The following PPIP5K2 variants were observed in gnomAD, a reference collection of about 807,000 sequenced individuals.
The protein encoded by PPIP5K2 is diphosphoinositol pentakisphosphate kinase 2.
In PPIP5K2, 105 loss-of-function variants were observed where a neutral mutation model predicts 154.6. That is an observed-to-expected ratio of 0.68 (90% CI 0.58 to 0.80). The LOEUF (loss-of-function observed/expected upper bound fraction) is 0.80. Among genes scored for constraint, PPIP5K2 ranks in the 30% least tolerant of loss-of-function variants. PPIP5K2 has a pLI of 0.00. For synonymous variants in PPIP5K2, 480 were observed against 490.3 expected (o/e 0.98, Z 0.28); for missense variants, 992 against 1,504.6 (o/e 0.66, Z 5.64).
Position 103,211,770 on chromosome 5 carries a change from TCC to T in PPIP5K2, c.*10137_*10138del. ...TGATACAAATATGAAAAGTCCTGTT[TCC>T]AGGGAATTTACTTTCTAATGAGGAA... On this transcript the variant is annotated 3_prime_UTR_variant, in exon 31 of 31. Coordinates refer to ENST00000358359, the MANE Select transcript of PPIP5K2 (RefSeq NM_001276277.3). The T allele has an allele frequency of 6.6e-6, 1 of 151,784 alleles. No homozygotes were observed. The highest frequency in any genetic ancestry group is 1.5e-5 in the Non-Finnish European group (1 of 67,980). The allele number at this position is 151,784 out of a possible 1,614,324, so 9.4% of individuals were successfully genotyped here.
chr5:103,133,766 A>T (rs1215113670), intron 3 of PPIP5K2, 118 bp downstream of exon 3: 19 of 741,330 alleles, frequency 2.6e-5, no homozygotes, highest in South Asian at 1.1e-4. Context: ...TTTCATGGAC[A>T]GGTAATATTA....
At chr5:103,163,477 C>G (rs537344376) in intron 17 of PPIP5K2, among the ~76,000 whole-genome samples, 36 of 152,012 alleles carry the variant, frequency 2.4e-4, no homozygotes, top group Admixed American at 7.9e-4. Flanking sequence ...AATAATTTAT[C>G]TAGATTTGTT....
At chr5:103,138,774 G>A (rs1381557077) in intron 5 of PPIP5K2, among the ~76,000 whole-genome samples, 1 of 152,166 alleles carries the variant, frequency 6.6e-6, no homozygotes, top group African/African-American at 2.4e-5. Context: ...GTGAACAAGT[G>A]ATTTATCTAT....
chr5:103,135,013 A>G (rs1791239168), intron 3 of PPIP5K2, among the ~76,000 whole-genome samples: 2 of 152,152 alleles, frequency 1.3e-5, no homozygotes, highest in African/African-American at 4.8e-5. Flanking sequence ...TTTTCTCTTA[A>G]CTATTCTGGT....
At chr5:103,167,419 T>A (rs1797300064) in intron 18 of PPIP5K2, 99 bp downstream of exon 18, 2 of 1,052,168 alleles carry the variant, frequency 1.9e-6, no homozygotes, top group South Asian at 4.4e-5. Flanking sequence ...AAATCAAGCC[T>A]CTCTTGAGAG....
chr5:103,154,638 A>G (rs1795120710), intron 11 of PPIP5K2, 32 bp from the exon 12 acceptor site: 1 of 1,276,912 alleles, frequency 7.8e-7, no homozygotes, highest in Non-Finnish European at 1.1e-6. Flanking sequence ...AATTATTGCA[A>G]GTGACTAACA....
At chr5:103,162,761 T>TA (rs1390840134) in intron 17 of PPIP5K2, among the ~76,000 whole-genome samples, 9 of 152,148 alleles carry the variant, frequency 5.9e-5, no homozygotes, top group Admixed American at 1.3e-4. Flanking sequence ...TTGTTTAAGA[T>TA]ATCTTTTTCG....
At chr5:103,134,616 C>A (rs1791159156) in intron 3 of PPIP5K2, among the ~76,000 whole-genome samples, 1 of 152,136 alleles carries the variant, frequency 6.6e-6, no homozygotes, top group Non-Finnish European at 1.5e-5. Flanking sequence ...GAGAGTAAAG[C>A]ATTCTTCCCT....
chr5:103,177,591 C>G (rs1798909812), intron 21 of PPIP5K2, 76 bp from the exon 22 acceptor site: 1 of 942,630 alleles, frequency 1.1e-6, no homozygotes. Flanking sequence ...ATTAAACAAG[C>G]TACCATAGTG....
chr5:103,195,798 C>A (rs1554228332), intron 30 of PPIP5K2, among the ~76,000 whole-genome samples: 1 of 152,162 alleles, frequency 6.6e-6, no homozygotes, highest in Non-Finnish European at 1.5e-5. Flanking sequence ...AAGGCTTTGA[C>A]AACAGCCTCA....
Position 103,190,891 on chromosome 5 carries a change from T to C in PPIP5K2, c.3402T>C (p.Leu1134=). 6.2e-7 allele frequency: 1 copy of C among 1,610,426 alleles called. No homozygotes were observed. Among genetic ancestry groups the C allele is most frequent in the Non-Finnish European group, 8.5e-7 (1 of 1,177,964 alleles). Residue 1134 remains leucine (L), a synonymous_variant, in exon 29 of 31, where the codon CTT becomes CTC. Coordinates refer to ENST00000358359, the MANE Select transcript of PPIP5K2 (RefSeq NM_001276277.3). The part of the protein sequence containing the change: ...MVPSICPLET[L]HNALSLKQVD... The stretch of plus-strand genomic sequence containing the variant: ...CATCTATTTGTCCTCTAGAAACTCT[T>C]CATAATGCCCTATCTTTAAAGCAAG...
chr5:103,153,898 CAAAACAAA>C lies in PPIP5K2; in HGVS notation c.1185_1192del (p.Lys395AsnfsTer12). 1 of 1,603,264 alleles carries C rather than the reference CAAAACAAA, an allele frequency of 6.2e-7. No homozygotes were observed. ...GTTATACGTCATGGGGATCGAACAC[CAAAACAAA>C]AAATGAAAATGGAAGTGAGACATCA... On this transcript the variant is annotated frameshift_variant, in exon 11 of 31. Transcript: ENST00000358359. LOFTEE classifies it high-confidence loss of function.
rs1225193313 is a variant in PPIP5K2 at position 103,201,767 on chromosome 5, A to G, written c.*133A>G. ...TTCTTTGTTTATGTTCAGGTAAGGA[A>G]CTGTTGTCATGATCTGGAAATGTTT... is the stretch of plus-strand genomic sequence containing the variant. On this transcript the variant is annotated 3_prime_UTR_variant, in exon 31 of 31. Transcript: ENST00000358359. 1.5e-6 allele frequency: 1 copy of G among 665,410 alleles called. No homozygotes were observed. Among genetic ancestry groups the G allele is most frequent in the Non-Finnish European group, 2.5e-6 (1 of 394,424 alleles). 41.2% of individuals were successfully genotyped at this position (665,410 alleles called of 1,614,324 possible). A position where few individuals can be genotyped will look rare whatever the true frequency, so the allele number is the denominator to read the frequency against.
At chr5:103,127,837 A>T (rs1789953744) in intron 1 of PPIP5K2, among the ~76,000 whole-genome samples, 1 of 152,304 alleles carries the variant, frequency 6.6e-6, no homozygotes, top group Non-Finnish European at 1.5e-5. Context: ...GAGTAAAAAA[A>T]TTGAAAGAAA....
At position 103,201,679 on chromosome 5, in the gene PPIP5K2, T is replaced by C. The variant is rs201129870; in HGVS notation, c.*45T>C. The C allele has an allele frequency of 5.2e-5, 67 of 1,289,882 alleles. No homozygotes were observed. The highest frequency in any genetic ancestry group is 3.3e-6 in the Non-Finnish European group (3 of 922,622). 79.9% of individuals were successfully genotyped at this position (1,289,882 alleles called of 1,614,324 possible). On this transcript the variant is annotated 3_prime_UTR_variant, in exon 31 of 31. Transcript: ENST00000358359. ...ACTTTTTATACTTATAAAAATAGTA[T>C]GTTCTTATGTTTCTCCTTATGCATT...
rs188502652 is a variant in PPIP5K2, at chr5:103,211,799, C to G, written c.*10165C>G. ...GGGAATTTACTTTCTAATGAGGAAC[C>G]AAGTGCTCAAAAGCAGTCATAAAGT... On this transcript the variant is annotated 3_prime_UTR_variant, in exon 31 of 31. Coordinates refer to ENST00000358359, the MANE Select transcript of PPIP5K2 (RefSeq NM_001276277.3). The G allele has an allele frequency of 2.8e-4, 39 of 140,232 alleles. No homozygotes were observed. The East Asian group carries it at 7.3e-3, about 26-fold the overall frequency. The allele number at this position is 140,232 out of a possible 1,614,324, so 8.7% of individuals were successfully genotyped here.
chr5:103,132,733 C>G (rs1554203022), intron 2 of PPIP5K2, among the ~76,000 whole-genome samples: 5 of 152,162 alleles, frequency 3.3e-5, no homozygotes, highest in Non-Finnish European at 7.4e-5. Flanking sequence ...ATAAAACTCT[C>G]AAGCACTTAA....
At chr5:103,200,875 C>T (rs929888278) in intron 30 of PPIP5K2, among the ~76,000 whole-genome samples, 1 of 151,960 alleles carries the variant, frequency 6.6e-6, no homozygotes, top group African/African-American at 2.4e-5. Flanking sequence ...TGGGCTCAAG[C>T]GATCCTCCCA....
In PPIP5K2 at chr5:103,154,850, C is replaced by T. The variant is rs1554212567; in HGVS notation, c.1310C>T (p.Ala437Val). 3.1e-6 allele frequency: 5 copies of T among 1,594,294 alleles called. No homozygotes were observed. Among genetic ancestry groups the T allele is most frequent in the Admixed American group, 1.8e-5 (1 of 55,670 alleles). Residue 437 changes from alanine (A) to valine (V), a missense_variant, in exon 13 of 31, where the codon GCA (alanine) becomes GTA (valine). Ala to Val is a moderately conservative substitution (Grantham distance 64). Around this residue, in one of 9 missense-constraint regions of PPIP5K2, gnomAD observed 163 missense variants for 285.2 expected, o/e 0.57. Coordinates refer to ENST00000358359, the MANE Select transcript of PPIP5K2 (RefSeq NM_001276277.3). ...ATTTTATAGGAAGTGCTAGATATTGCACGACAGCTTCTTATGGAGCTAGGG... is the reference window on the plus strand; with the variant it reads ...ATTTTATAGGAAGTGCTAGATATTGTACGACAGCTTCTTATGGAGCTAGGG... Reference protein sequence around the residue: ...PKQLQEVLDIARQLLMELGQN... With the variant: ...PKQLQEVLDIVRQLLMELGQN...
Sources: allele counts gnomAD v4.1 joint callset (sites outside exome capture counted in the v4.1 genomes callset), GRCh38; gene constraint gnomAD v4.1.1; regional missense constraint gnomAD v4.1.1; transcripts MANE v1.5; gene names NCBI Gene and HGNC (gene_info 2026-07-23, HGNC 2026-07-21).